The following RASSF6 variants were observed in gnomAD, a reference collection of about 807,000 sequenced individuals.
RASSF6 encodes the protein ras association domain-containing protein 6.
In RASSF6, 52 loss-of-function variants were observed where a neutral mutation model predicts 44.0. That is an observed-to-expected ratio of 1.18 (90% CI 0.95 to 1.49). RASSF6 has a LOEUF of 1.49. Among genes scored for constraint, RASSF6 ranks in the 40% most tolerant of loss-of-function variants. The probability of loss-of-function intolerance (pLI) is 0.00; values close to 1 mark genes in which losing one functional copy is unlikely to be tolerated. For missense variants in RASSF6, 464 were observed against 393.3 expected (o/e 1.18, Z -1.52); for synonymous variants, 162 against 124.6 (o/e 1.30, Z -2.00).
At chr4:73,617,937 C>T (rs183005816) in intron 1 of RASSF6, among the ~76,000 whole-genome samples, 2 of 152,140 alleles carry the variant, frequency 1.3e-5, no homozygotes, top group East Asian at 3.9e-4. Flanking sequence ...CCGTGAATTC[C>T]CCACCTACAT....
intron 1 of RASSF6, among the ~76,000 whole-genome samples, chr4:73,613,288 C>A (rs1726144604): frequency 6.6e-6 from 1 of 152,166 alleles, no homozygotes; most frequent in Non-Finnish European, 1.5e-5. Flanking sequence ...CAAAGTAATT[C>A]TATACGTCAG....
chr4:73,577,905 A>T (rs1007076648), intron 8 of RASSF6, among the ~76,000 whole-genome samples: 7 of 152,206 alleles, frequency 4.6e-5, no homozygotes, highest in African/African-American at 1.7e-4. Context: ...AGTGAACTCT[A>T]TAGGTAATCT....
chr4:73,584,535 T>C (rs142400241), intron 6 of RASSF6, among the ~76,000 whole-genome samples: 2 of 152,306 alleles, frequency 1.3e-5, no homozygotes, highest in Non-Finnish European at 2.9e-5. Flanking sequence ...ACTACACTTA[T>C]ATAAAAACGG....
intron 5 of RASSF6, 129 bp downstream of exon 5, chr4:73,587,711 A>G: frequency 4.2e-6 from 2 of 471,708 alleles, no homozygotes; most frequent in Middle Eastern, 5.6e-4. Context: ...TTAAAAATAT[A>G]TATACATATA....
At chr4:73,596,086 AAG>A (rs1329790250) in intron 3 of RASSF6, among the ~76,000 whole-genome samples, 7 of 152,164 alleles carry the variant, frequency 4.6e-5, no homozygotes, top group African/African-American at 1.7e-4. Flanking sequence ...ATTAAATAAA[AAG>A]AAAAAAAGTA....
chr4:73,580,740 T>G (rs1294714832), intron 8 of RASSF6, among the ~76,000 whole-genome samples: 1 of 131,610 alleles, frequency 7.6e-6, no homozygotes, highest in Non-Finnish European at 1.7e-5. Context: ...TTCTTGTAAA[T>G]TTGTTTGAGT....
intron 2 of RASSF6, among the ~76,000 whole-genome samples, chr4:73,600,464 A>G (rs888493575): frequency 3.9e-5 from 6 of 152,062 alleles, no homozygotes; most frequent in African/African-American, 1.4e-4. Flanking sequence ...GATCCTCAAT[A>G]TCTGTCTCTG....
intron 4 of RASSF6, among the ~76,000 whole-genome samples, chr4:73,589,900 C>T (rs1025262285): frequency 6.6e-6 from 1 of 152,040 alleles, no homozygotes; most frequent in South Asian, 2.1e-4. Context: ...GGTCACTTCC[C>T]TACCCATACT....
chr4:73,609,612 C>G (rs1046264752), intron 2 of RASSF6, among the ~76,000 whole-genome samples: 2 of 152,172 alleles, frequency 1.3e-5, no homozygotes, highest in Admixed American at 6.5e-5. Context: ...AATTTCCATT[C>G]TTTTCATGTA....
intron 1 of RASSF6, chr4:73,615,994 C>A (rs749615439): frequency 3.5e-6 from 5 of 1,441,146 alleles, no homozygotes; most frequent in Non-Finnish European, 4.8e-6. Context: ...GTTATCCAAC[C>A]ATGAGTTAAT....
chr4:73,612,358 A>G lies in RASSF6; in HGVS notation c.-34-529T>C, dbSNP rs115231476. ...TAGGGTGTGACCAGAGATGTAAAGT[A>G]TAATATTTTCTGTTCATTCCATTTT... On this transcript the variant is annotated intron_variant, in intron 1 of 10. Transcript: ENST00000307439. 3.0e-3 allele frequency among the ~76,000 whole-genome samples: 454 copies of G among 152,278 alleles called. 2 individuals carry two copies. Among genetic ancestry groups the G allele is most frequent in the African/African-American group, 0.011 (444 of 41,554 alleles).
At chr4:73,589,861 G>A (rs1296691661) in intron 4 of RASSF6, among the ~76,000 whole-genome samples, 2 of 151,916 alleles carry the variant, frequency 1.3e-5, no homozygotes, top group Non-Finnish European at 2.9e-5. Flanking sequence ...ATAAAAAGGA[G>A]GTAGAAATTT....
Position 73,593,486 on chromosome 4 carries a change from A to T in RASSF6, c.252T>A (p.Thr84=). 1 of 1,613,454 alleles carries T rather than the reference A, an allele frequency of 6.2e-7. No individual in the cohort carries two copies. The highest frequency in any genetic ancestry group is 8.5e-7 in the Non-Finnish European group (1 of 1,179,806). Residue 84 remains threonine, a synonymous_variant, in exon 4 of 11, where the codon ACT becomes ACA. Transcript: ENST00000307439. Reference sequence around the variant, plus strand: ...AGAAGACGTCTGATGACTTCATACTAGTAAAAGAAGAGAATGGCTTCTCAT... The same window carrying T: ...AGAAGACGTCTGATGACTTCATACTTGTAAAAGAAGAGAATGGCTTCTCAT... ...IQDEKPFSSF[T]SMKSSDVFSS...
chr4:73,608,668 A>G lies in RASSF6; in HGVS notation c.65+3063T>C, dbSNP rs1012808636. On this transcript the variant is annotated intron_variant, in intron 2 of 10. Coordinates refer to ENST00000307439, the MANE Select transcript of RASSF6 (RefSeq NM_177532.5). ...GCTTATTTTGAAATTCTAACTTTTT[A>G]TACAAATAAGTCAGAACAGGCTCTC... Among the ~76,000 whole-genome samples, 4 of 152,266 alleles carry G rather than the reference A, an allele frequency of 2.6e-5. No homozygotes were observed. The East Asian group carries it at 7.7e-4, about 29-fold the overall frequency.
chr4:73,611,804 C>A lies in RASSF6; in HGVS notation c.-9G>T. The A allele has an allele frequency of 6.2e-7, 1 of 1,609,180 alleles. No individual in the cohort carries two copies. Among genetic ancestry groups the A allele is most frequent in the South Asian group, 1.1e-5 (1 of 90,950 alleles). ...TGAGCCATCATAGTCATCTTTTCCTCCTTTTTGAGATGGTCTGAGGATATC... is the reference window on the plus strand; with the variant it reads ...TGAGCCATCATAGTCATCTTTTCCTACTTTTTGAGATGGTCTGAGGATATC... On this transcript the variant is annotated 5_prime_UTR_variant, in exon 2 of 11. Transcript: ENST00000307439.
intron 1 of RASSF6, among the ~76,000 whole-genome samples, chr4:73,619,438 C>A (rs1238454199): frequency 6.6e-6 from 1 of 152,192 alleles, no homozygotes; most frequent in Non-Finnish European, 1.5e-5. Context: ...CATCCTAATA[C>A]ACACTGTCTG....
intron 1 of RASSF6, among the ~76,000 whole-genome samples, chr4:73,617,664 T>C (rs1454025091): frequency 6.6e-6 from 1 of 152,256 alleles, no homozygotes; most frequent in Non-Finnish European, 1.5e-5. Context: ...ATTACTTAAA[T>C]AGGAGACACT....
At chr4:73,581,956 C>T (rs1723685863) in intron 7 of RASSF6, 88 bp from the exon 8 acceptor site, 8 of 980,116 alleles carry the variant, frequency 8.2e-6, no homozygotes, top group Non-Finnish European at 1.2e-5. Context: ...TGTCTGTTTT[C>T]TCTCTTCCAT....
At chr4:73,583,632 T>C (rs1384905139) in intron 6 of RASSF6, among the ~76,000 whole-genome samples, 1 of 152,206 alleles carries the variant, frequency 6.6e-6, no homozygotes, top group East Asian at 1.9e-4. Flanking sequence ...GCTTTGTTTT[T>C]TCTTTTTTGT....
Sources: gnomAD v4.1 joint callset for allele counts (sites outside exome capture counted in the v4.1 genomes callset) on GRCh38, gnomAD v4.1.1 for gene constraint, MANE v1.5 for transcripts, NCBI Gene and HGNC (gene_info 2026-07-23, HGNC 2026-07-21) for gene names.